Variants in PTPRD observed in about 807,000 individuals in gnomAD.
PTPRD encodes protein tyrosine phosphatase receptor type D, also known as receptor-type tyrosine-protein phosphatase delta.
In PTPRD, 34 loss-of-function variants were observed where a neutral mutation model predicts 214.5. The observed-to-expected ratio is 0.16, with a 90% CI of 0.12 to 0.21. PTPRD has a LOEUF of 0.21. PTPRD is among the 10% of genes least tolerant of loss of function. The probability of loss-of-function intolerance (pLI) is 1.00; values close to 1 mark genes in which losing one functional copy is unlikely to be tolerated. For synonymous variants in PTPRD, 1,128 were observed against 845.7 expected, an observed-to-expected ratio of 1.33 and a Z score of -5.79; for missense variants, 2,545 against 2,398.7, an observed-to-expected ratio of 1.06 and a Z score of -1.27.
rs1042366271 is a variant in PTPRD, at chr9:8,946,819, T to TC, written c.-104+71877dup. 9.2e-5 allele frequency among the ~76,000 whole-genome samples: 14 copies of TC among 152,106 alleles called. No homozygotes were observed. The East Asian group carries it at 1.4e-3, about 15-fold the overall frequency. On this transcript the variant is annotated intron_variant, in intron 11 of 45. Coordinates refer to ENST00000381196, the MANE Select transcript of PTPRD (RefSeq NM_002839.4). ...TACTGTGACCCTTTGTCCCTTTTTTTCCCCCCATAATTTCTATTTTCATAA... is the reference window on the plus strand; with the variant it reads ...TACTGTGACCCTTTGTCCCTTTTTTTCCCCCCCATAATTTCTATTTTCATAA...
At position 9,388,486 on chromosome 9, in the gene PTPRD, G is replaced by A. The variant is rs554495746; in HGVS notation, c.-203+8963C>T. On this transcript the variant is annotated intron_variant, in intron 9 of 45. Transcript: ENST00000381196. The stretch of plus-strand genomic sequence containing the variant: ...TGCTAATAATTGCACTGGGAGAAGA[G>A]ACATGAACTAGGACTGTCCAAGTAA... Among the ~76,000 whole-genome samples, 5 of 152,248 alleles carry A rather than the reference G, an allele frequency of 3.3e-5. No homozygotes were observed. In the South Asian group the frequency reaches 1.0e-3, roughly 32 times the overall value.
At chr9:8,472,114 A>C (rs934492276) in intron 30 of PTPRD, among the ~76,000 whole-genome samples, 1 of 152,176 alleles carries the variant, frequency 6.6e-6, no homozygotes, top group Non-Finnish European at 1.5e-5. Context: ...TAGAGATTAA[A>C]TAATTGCCAA....
chr9:9,569,099 A>G (rs1369629748), intron 8 of PTPRD, among the ~76,000 whole-genome samples: 2 of 151,690 alleles, frequency 1.3e-5, no homozygotes, highest in Non-Finnish European at 3.0e-5. Flanking sequence ...AAGTCAATTC[A>G]TTTTCTTAAT....
At chr9:10,284,264 T>C (rs933763165) in intron 3 of PTPRD, among the ~76,000 whole-genome samples, 1 of 152,156 alleles carries the variant, frequency 6.6e-6, no homozygotes, top group African/African-American at 2.4e-5. Context: ...AAATCTCTGA[T>C]GCAAATGGTT....
chr9:9,118,939 G>C lies in PTPRD; in HGVS notation c.-143+64365C>G, dbSNP rs893686839. 9.9e-5 allele frequency among the ~76,000 whole-genome samples: 15 copies of C among 152,186 alleles called. No homozygotes were observed. The South Asian group carries it at 3.1e-3, about 32-fold the overall frequency. ...CCACATTTTACTCCACAATTACAAA[G>C]GGAAGTTAGAGGGCCTAAAGTTGTA... is the stretch of plus-strand genomic sequence containing the variant. On this transcript the variant is annotated intron_variant, in intron 10 of 45. Coordinates refer to ENST00000381196, the MANE Select transcript of PTPRD (RefSeq NM_002839.4).
At chr9:10,125,622 T>TTGTGTGTGTGTG (rs35164422) in intron 3 of PTPRD, among the ~76,000 whole-genome samples, 329 of 139,312 alleles carry the variant, frequency 2.4e-3, no homozygotes, top group African/African-American at 6.0e-3. Context: ...GCTCGGCTAA[T>TTGTGTGTGTGTG]TGTGTGTGTG....
chr9:9,194,264 G>A (rs2099936938), intron 9 of PTPRD, among the ~76,000 whole-genome samples: 1 of 152,126 alleles, frequency 6.6e-6, no homozygotes, highest in Non-Finnish European at 1.5e-5. Flanking sequence ...CGACCTGCCA[G>A]AGGCTATATT....
intron 11 of PTPRD, among the ~76,000 whole-genome samples, chr9:8,994,626 T>C (rs2099389629): frequency 6.6e-6 from 1 of 152,004 alleles, no homozygotes; most frequent in Non-Finnish European, 1.5e-5. Context: ...GATAAGATGG[T>C]GAGCAGAAAT....
chr9:10,356,402 T>C (rs2154463125), intron 2 of PTPRD, among the ~76,000 whole-genome samples: 1 of 152,344 alleles, frequency 6.6e-6, no homozygotes, highest in Non-Finnish European at 1.5e-5. Flanking sequence ...CTCAAAATGA[T>C]ATTTGAAAAT....
chr9:8,485,128 C>T (rs10116716), intron 29 of PTPRD, 99 bp downstream of exon 29: 1 of 987,390 alleles, frequency 1.0e-6, no homozygotes, highest in Non-Finnish European at 1.5e-6. Flanking sequence ...GACACGTGGC[C>T]AAAACAAAGT....
intron 12 of PTPRD, among the ~76,000 whole-genome samples, chr9:8,693,560 C>T (rs865967065): frequency 9.2e-5 from 14 of 152,166 alleles, no homozygotes; most frequent in African/African-American, 3.1e-4. Context: ...GGTTAAGCTT[C>T]CTCCAGGAGC....
rs1318758754 is a variant in PTPRD at position 8,459,669 on chromosome 9, G to T, written c.3875+742C>A. Among the ~76,000 whole-genome samples the T allele has an allele frequency of 2.0e-5, 3 of 152,074 alleles. No homozygotes were observed. The East Asian group carries it at 5.8e-4, about 29-fold the overall frequency. On this transcript the variant is annotated intron_variant, in intron 33 of 45. Transcript: ENST00000381196. Reference sequence around the variant, plus strand: ...GCAGAAATAAAATTGAAAAAGAGTGGCATATCAGAAAAATGTGGGTAGACA... The same window carrying T: ...GCAGAAATAAAATTGAAAAAGAGTGTCATATCAGAAAAATGTGGGTAGACA...
chr9:9,663,195 T>A (rs989620056), intron 7 of PTPRD, among the ~76,000 whole-genome samples: 7 of 151,400 alleles, frequency 4.6e-5, no homozygotes, highest in Non-Finnish European at 1.0e-4. Context: ...GTTTATCTCA[T>A]AGGTCTTTTA....
chr9:8,744,926 T>C (rs72702319), intron 11 of PTPRD, among the ~76,000 whole-genome samples: 293 of 152,256 alleles, frequency 1.9e-3, no homozygotes, highest in Non-Finnish European at 3.4e-3. Context: ...GGAAACTAAA[T>C]AAATGACTAT....
In PTPRD at chr9:8,375,958, C is replaced by A. The variant is rs2134800608; in HGVS notation, c.4639G>T (p.Gly1547Cys). 3 of 1,612,500 alleles carry A rather than the reference C, an allele frequency of 1.9e-6. No individual in the cohort carries two copies. Among genetic ancestry groups the A allele is most frequent in the Non-Finnish European group, 2.5e-6 (3 of 1,179,022 alleles). ...RVKTCNPPDA[G>C]PMVVHCSAGV... ...TACCTGCAGTGCACAACCATCGGAC[C>A]AGCATCGGGAGGGTTACAGGTTTTG... Residue 1547 changes from glycine (G) to cysteine (C), a missense_variant, in exon 39 of 46, where the codon GGT becomes TGT. Gly to Cys is a radical substitution (Grantham distance 159). Coordinates refer to ENST00000381196, the MANE Select transcript of PTPRD (RefSeq NM_002839.4).
At chr9:10,147,431 G>C (rs190971768) in intron 3 of PTPRD, among the ~76,000 whole-genome samples, 100 of 152,210 alleles carry the variant, frequency 6.6e-4, no homozygotes, top group Non-Finnish European at 1.9e-4. Flanking sequence ...CAATAGCAAA[G>C]ACTTGAAACA....
intron 7 of PTPRD, among the ~76,000 whole-genome samples, chr9:9,664,400 C>T (rs1056020202): frequency 6.6e-6 from 1 of 151,632 alleles, no homozygotes; most frequent in Non-Finnish European, 1.5e-5. Flanking sequence ...TCTTCTCATA[C>T]ATTAACTACA....
intron 6 of PTPRD, among the ~76,000 whole-genome samples, chr9:9,752,351 T>C (rs999713858): frequency 6.6e-6 from 1 of 152,058 alleles, no homozygotes; most frequent in East Asian, 1.9e-4. Context: ...TGGAACAACA[T>C]TAAAGTACGT....
chr9:10,326,794 C>T (rs892058116), intron 3 of PTPRD, among the ~76,000 whole-genome samples: 7 of 151,194 alleles, frequency 4.6e-5, no homozygotes, highest in African/African-American at 1.5e-4. Flanking sequence ...GGCTCTCTAC[C>T]GGTTTGTTTG....
Sources: allele counts gnomAD v4.1 joint callset (sites outside exome capture counted in the v4.1 genomes callset), GRCh38; gene constraint gnomAD v4.1.1; transcripts MANE v1.5; gene names NCBI Gene and HGNC (gene_info 2026-07-23, HGNC 2026-07-21).